The following MAGI2 variants were observed in gnomAD, a reference collection of about 807,000 sequenced individuals.
MAGI2 encodes the protein membrane associated guanylate kinase, WW and PDZ domain containing 2, also known as membrane-associated guanylate kinase, WW and PDZ domain-containing protein 2.
MAGI2 carries 35 observed loss-of-function variants against 133.3 expected under a neutral mutation model. The ratio of observed to expected loss-of-function variants is 0.26; its 90% CI spans 0.20 to 0.35. MAGI2 has a LOEUF of 0.35. Ranked by LOEUF, MAGI2 falls within the 10% of genes least tolerant of loss-of-function variation. The pLI, the probability that MAGI2 is intolerant of heterozygous loss-of-function variation, is 1.00. For missense variants in MAGI2, 1,636 were observed against 1,863.4 expected (o/e 0.88, Z 2.25); for synonymous variants, 729 against 710.6 (o/e 1.03, Z -0.41).
At chr7:78,448,555 T>G (rs1788390735) in intron 6 of MAGI2, among the ~76,000 whole-genome samples, 1 of 151,666 alleles carries the variant, frequency 6.6e-6, no homozygotes, top group Admixed American at 6.6e-5. Flanking sequence ...CCAACACTTC[T>G]ATTATTCCAG....
Position 79,136,036 on chromosome 7 carries a change from A to G in MAGI2, c.302-128830T>C, listed in dbSNP as rs55636814. Among the ~76,000 whole-genome samples the G allele has an allele frequency of 3.4e-3, 467 of 137,002 alleles. 4 individuals carry two copies. The highest frequency in any genetic ancestry group is 0.013 in the South Asian group (55 of 4,348). 89.9% of individuals were successfully genotyped at this position (137,002 alleles called of 152,430 possible). ...AAGAAAGAAAGAAAGAAGGAAAGAA[A>G]GAAAGAAAGAAGGAAAGAAAGAAAG... On this transcript the variant is annotated intron_variant, in intron 1 of 21. Transcript: ENST00000354212.
At chr7:79,008,186 CAATT>C (rs1262700887) in intron 1 of MAGI2, among the ~76,000 whole-genome samples, 1 of 151,940 alleles carries the variant, frequency 6.6e-6, no homozygotes, top group Non-Finnish European at 1.5e-5. Flanking sequence ...CCAAGACAAA[CAATT>C]AAAGATAGAA....
chr7:78,765,166 G>A (rs185406776), intron 2 of MAGI2, among the ~76,000 whole-genome samples: 108 of 152,216 alleles, frequency 7.1e-4, no homozygotes, highest in Admixed American at 2.8e-3. Flanking sequence ...CTGACAGAAG[G>A]GAGATCCTGG....
At chr7:78,326,196 T>C (rs1788569709) in intron 9 of MAGI2, among the ~76,000 whole-genome samples, 1 of 152,332 alleles carries the variant, frequency 6.6e-6, no homozygotes, top group East Asian at 1.9e-4. Flanking sequence ...TCATAGTAAA[T>C]GCTCCACATG....
chr7:78,906,524 A>G (rs193274426), intron 2 of MAGI2, among the ~76,000 whole-genome samples: 1 of 152,302 alleles, frequency 6.6e-6, no homozygotes, highest in East Asian at 1.9e-4. Context: ...CTGAGAGTGG[A>G]GAGGAATCTC....
rs568816019 is a variant in MAGI2, at chr7:78,265,082, T to C, written c.1409-8501A>G. 6.6e-4 allele frequency among the ~76,000 whole-genome samples: 85 copies of C among 128,390 alleles called. 1 individual carries two copies. Among genetic ancestry groups the C allele is most frequent in the African/African-American group, 3.6e-3 (81 of 22,468 alleles). The allele number at this position is 128,390 out of a possible 152,430, so 84.2% of individuals were successfully genotyped here. The stretch of plus-strand genomic sequence containing the variant: ...TGCAGATGCTTAATTAAAAGCTTGT[T>C]TTTTTTTTTTAAATTATGATTAAGC... On this transcript the variant is annotated intron_variant, in intron 9 of 21. Transcript: ENST00000354212.
intron 21 of MAGI2, among the ~76,000 whole-genome samples, chr7:78,044,294 T>C (rs1209042347): frequency 6.6e-6 from 1 of 152,208 alleles, no homozygotes; most frequent in Non-Finnish European, 1.5e-5. Context: ...TGTGTATGTC[T>C]GTATAGGACT....
chr7:78,300,394 A>G (rs1397474748), intron 9 of MAGI2, among the ~76,000 whole-genome samples: 1 of 152,192 alleles, frequency 6.6e-6, no homozygotes, highest in Non-Finnish European at 1.5e-5. Flanking sequence ...GCCAAAGACA[A>G]TCATGACTGA....
intron 5 of MAGI2, among the ~76,000 whole-genome samples, chr7:78,495,030 C>T (rs1221576133): frequency 6.6e-6 from 1 of 152,160 alleles, no homozygotes; most frequent in Non-Finnish European, 1.5e-5. Context: ...CTCAAAATGT[C>T]TGTGGATGAC....
chr7:79,033,542 A>C (rs1810814462), intron 1 of MAGI2, among the ~76,000 whole-genome samples: 1 of 152,186 alleles, frequency 6.6e-6, no homozygotes, highest in Non-Finnish European at 1.5e-5. Context: ...CTTAACCAAG[A>C]CTCAATACTC....
chr7:79,305,910 G>A (rs927570021), intron 1 of MAGI2, among the ~76,000 whole-genome samples: 4 of 151,712 alleles, frequency 2.6e-5, no homozygotes, highest in Admixed American at 1.3e-4. Context: ...TAAGTAACAA[G>A]TAAATAAATA....
chr7:78,222,091 C>T (rs981564724), intron 10 of MAGI2, among the ~76,000 whole-genome samples: 7 of 151,896 alleles, frequency 4.6e-5, no homozygotes, highest in Non-Finnish European at 7.4e-5. Context: ...TTGAAAAGCG[C>T]TGGACATTCA....
At chr7:78,454,973 T>C (rs951002799) in intron 6 of MAGI2, among the ~76,000 whole-genome samples, 1 of 152,134 alleles carries the variant, frequency 6.6e-6, no homozygotes, top group Admixed American at 6.6e-5. Context: ...TTCTGTATAA[T>C]ACTTTAATAT....
At chr7:79,355,914 T>A (rs1315925034) in intron 1 of MAGI2, among the ~76,000 whole-genome samples, 3 of 152,224 alleles carry the variant, frequency 2.0e-5, no homozygotes, top group Non-Finnish European at 4.4e-5. Context: ...CTGCCTTTTG[T>A]AGGTAAAATG....
At chr7:79,103,441 GC>G (rs1441648599) in intron 1 of MAGI2, among the ~76,000 whole-genome samples, 4 of 152,080 alleles carry the variant, frequency 2.6e-5, no homozygotes, top group African/African-American at 9.7e-5. Flanking sequence ...TTGTACAGAA[GC>G]CACAGACTAA....
intron 2 of MAGI2, among the ~76,000 whole-genome samples, chr7:78,917,886 G>A (rs12705836): frequency 0.33 from 50,074 of 152,044 alleles, 10,112 homozygotes; most frequent in East Asian, 0.49. Flanking sequence ...CATAAGGCAA[G>A]GTGTGGGGTA....
At chr7:78,805,089 A>T (rs113572786) in intron 2 of MAGI2, among the ~76,000 whole-genome samples, 4,287 of 151,950 alleles carry the variant, frequency 0.028, 167 homozygotes, top group African/African-American at 0.079. Context: ...AAAATAAAAA[A>T]AAATAAAAAT....
intron 7 of MAGI2, among the ~76,000 whole-genome samples, chr7:78,353,989 T>C (rs915772219): frequency 2.0e-5 from 3 of 152,304 alleles, no homozygotes; most frequent in African/African-American, 4.8e-5. Flanking sequence ...TGATGTACCT[T>C]ATTCCTGAAC....
intron 6 of MAGI2, among the ~76,000 whole-genome samples, chr7:78,454,871 T>C (rs892305764): frequency 6.6e-6 from 1 of 152,084 alleles, no homozygotes; most frequent in Admixed American, 6.6e-5. Flanking sequence ...GGCAAAACTA[T>C]AGAGATATAA....
Sources: allele counts gnomAD v4.1 joint callset (sites outside exome capture counted in the v4.1 genomes callset), GRCh38; gene constraint gnomAD v4.1.1; transcripts MANE v1.5; gene names NCBI Gene and HGNC (gene_info 2026-07-23, HGNC 2026-07-21).